Variants in PLCB1 observed in about 807,000 individuals in gnomAD.
PLCB1 encodes 1-phosphatidylinositol 4,5-bisphosphate phosphodiesterase beta-1.
A neutral mutation model predicts 161.8 loss-of-function variants in PLCB1; 46 were observed. That is an observed-to-expected ratio of 0.28 (90% CI 0.22 to 0.36). The LOEUF is 0.36. Among genes scored for constraint, PLCB1 ranks in the 10% least tolerant of loss-of-function variants. PLCB1 has a pLI of 1.00. For missense variants in PLCB1, 1,016 were observed against 1,472.5 expected (o/e 0.69, Z 5.07); for synonymous variants, 517 against 503.7 (o/e 1.03, Z -0.35).
rs112265620 is a variant in PLCB1 at position 8,737,624 on chromosome 20, C to T, written c.2208+432C>T. On this transcript the variant is annotated intron_variant, in intron 20 of 31. Coordinates refer to ENST00000338037, the MANE Select transcript of PLCB1 (RefSeq NM_015192.4). ...AGCCTCTGAGAGCTGGTCATTCAAT[C>T]TTGTCTGGGTTCTATCTAATAAAGT... Among the ~76,000 whole-genome samples, 648 of 152,270 alleles carry T rather than the reference C, an allele frequency of 4.3e-3. 3 individuals carry two copies. The highest frequency in any genetic ancestry group is 0.015 in the African/African-American group (615 of 41,562).
At chr20:8,768,291 A>AT (rs1480372793) in intron 26 of PLCB1, among the ~76,000 whole-genome samples, 2 of 152,076 alleles carry the variant, frequency 1.3e-5, no homozygotes, top group Non-Finnish European at 2.9e-5. Context: ...GTTGCTGGCA[A>AT]TCTTTGGCAT....
At chr20:8,266,766 C>T (rs544464174) in intron 2 of PLCB1, among the ~76,000 whole-genome samples, 2 of 151,984 alleles carry the variant, frequency 1.3e-5, no homozygotes, top group South Asian at 4.2e-4. Flanking sequence ...GGGCCGGGTG[C>T]AGTGGCTCAC....
intron 2 of PLCB1, among the ~76,000 whole-genome samples, chr20:8,338,447 G>A (rs888432196): frequency 2.0e-5 from 3 of 152,030 alleles, no homozygotes; most frequent in Non-Finnish European, 4.4e-5. Context: ...AATAGAAAGG[G>A]CACCTCTGAT....
chr20:8,473,623 A>G (rs1016549240), intron 3 of PLCB1, among the ~76,000 whole-genome samples: 4 of 152,212 alleles, frequency 2.6e-5, no homozygotes, highest in Non-Finnish European at 5.9e-5. Flanking sequence ...TGCCTGCCAC[A>G]GCTCTAGTGC....
At chr20:8,715,359 C>CG (rs1214784439) in intron 12 of PLCB1, among the ~76,000 whole-genome samples, 12 of 152,250 alleles carry the variant, frequency 7.9e-5, no homozygotes, top group Admixed American at 7.9e-4. Flanking sequence ...AGCTGGCGGA[C>CG]GCCGCCTTGT....
chr20:8,805,944 G>A (rs1254064288), intron 31 of PLCB1, among the ~76,000 whole-genome samples: 1 of 152,104 alleles, frequency 6.6e-6, no homozygotes, highest in Non-Finnish European at 1.5e-5. Flanking sequence ...GTGGCTAGAA[G>A]GGATACACAC....
rs1000525544 is a variant in PLCB1 at position 8,735,528 on chromosome 20, G to A, written c.2044-1500G>A. On this transcript the variant is annotated intron_variant, in intron 19 of 31. Transcript: ENST00000338037. ...ATTATGCCTTTGTTTTCATCTTCTG[G>A]CATAGATTTTATAATGCCAGAATGG... Among the ~76,000 whole-genome samples, 40 of 152,228 alleles carry A rather than the reference G, an allele frequency of 2.6e-4. 1 individual carries two copies. The highest frequency in any genetic ancestry group is 3.4e-3 in the Middle Eastern group (1 of 294).
intron 3 of PLCB1, among the ~76,000 whole-genome samples, chr20:8,557,193 G>A (rs1157757739): frequency 2.0e-5 from 3 of 151,474 alleles, no homozygotes; most frequent in Non-Finnish European, 4.4e-5. Context: ...GTTCACTTCC[G>A]GGTATATATC....
chr20:8,871,437 C>T (rs1178207931), intron 31 of PLCB1, among the ~76,000 whole-genome samples: 2 of 152,156 alleles, frequency 1.3e-5, no homozygotes, highest in Non-Finnish European at 2.9e-5. Flanking sequence ...ATTTTTAAGT[C>T]TCATGTCCTT....
At chr20:8,780,555 C>T (rs953476630) in intron 27 of PLCB1, among the ~76,000 whole-genome samples, 5 of 152,106 alleles carry the variant, frequency 3.3e-5, no homozygotes, top group African/African-American at 7.2e-5. Flanking sequence ...CTGAATGGCT[C>T]GCGTTCTTCT....
chr20:8,452,463 G>A (rs1390873738), intron 3 of PLCB1, among the ~76,000 whole-genome samples: 4 of 152,190 alleles, frequency 2.6e-5, no homozygotes, highest in African/African-American at 9.7e-5. Context: ...TATGAAAATT[G>A]TAGTTCAATT....
intron 31 of PLCB1, among the ~76,000 whole-genome samples, chr20:8,874,406 A>G (rs6056222): frequency 0.33 from 50,428 of 151,846 alleles, 8,495 homozygotes; most frequent in South Asian, 0.52. Flanking sequence ...TTGGCAGAGT[A>G]ATATAATTGT....
At chr20:8,793,883 G>C (rs1282363157) in intron 31 of PLCB1, among the ~76,000 whole-genome samples, 3 of 152,148 alleles carry the variant, frequency 2.0e-5, no homozygotes, top group African/African-American at 7.2e-5. Context: ...CATCTCTGCA[G>C]CCTCAACAGT....
At chr20:8,748,743 G>A (rs550015596) in intron 23 of PLCB1, among the ~76,000 whole-genome samples, 1 of 152,258 alleles carries the variant, frequency 6.6e-6, no homozygotes, top group East Asian at 1.9e-4. Context: ...AAAATCTAAT[G>A]TACAGCGTGA....
intron 3 of PLCB1, among the ~76,000 whole-genome samples, chr20:8,553,819 G>A (rs1289448556): frequency 6.6e-6 from 1 of 151,866 alleles, no homozygotes; most frequent in Non-Finnish European, 1.5e-5. Context: ...TAGCCAACGT[G>A]GTGAAACCCT....
At chr20:8,464,470 C>T (rs1981723409) in intron 3 of PLCB1, among the ~76,000 whole-genome samples, 1 of 152,156 alleles carries the variant, frequency 6.6e-6, no homozygotes, top group South Asian at 2.1e-4. Flanking sequence ...GTGCTGCCTT[C>T]TAAATCACTT....
chr20:8,208,175 T>C (rs1249659716), intron 2 of PLCB1, among the ~76,000 whole-genome samples: 1 of 152,146 alleles, frequency 6.6e-6, no homozygotes, highest in South Asian at 2.1e-4. Context: ...TCTCTTTTTT[T>C]CAGAGACATC....
At chr20:8,372,684 A>T (rs937024851) in intron 3 of PLCB1, among the ~76,000 whole-genome samples, 3 of 152,176 alleles carry the variant, frequency 2.0e-5, no homozygotes, top group African/African-American at 7.2e-5. Flanking sequence ...TTTGTTGATG[A>T]TTCAAAATTG....
At chr20:8,832,452 A>G (rs1287418707) in intron 31 of PLCB1, among the ~76,000 whole-genome samples, 1 of 152,236 alleles carries the variant, frequency 6.6e-6, no homozygotes, top group Non-Finnish European at 1.5e-5. Flanking sequence ...CATGGGTTAT[A>G]GAGACTAGCA....
Sources: allele counts gnomAD v4.1 joint callset (sites outside exome capture counted in the v4.1 genomes callset), GRCh38; gene constraint gnomAD v4.1.1; transcripts MANE v1.5; gene names NCBI Gene and HGNC (gene_info 2026-07-23, HGNC 2026-07-21).